Variants in NRXN3 observed in about 807,000 individuals in gnomAD.
NRXN3 encodes neurexin 3.
In NRXN3, 32 loss-of-function variants were observed where a neutral mutation model predicts 137.6. The observed-to-expected ratio is 0.23, with a 90% CI of 0.18 to 0.31. NRXN3 has a LOEUF of 0.31. Among genes scored for constraint, NRXN3 ranks in the 10% least tolerant of loss-of-function variants. The probability of loss-of-function intolerance (pLI) is 1.00; values close to 1 mark genes in which losing one functional copy is unlikely to be tolerated. For synonymous variants in NRXN3, 798 were observed against 784.5 expected, an observed-to-expected ratio of 1.02 and a Z score of -0.29; for missense variants, 1,574 against 2,062.5, an observed-to-expected ratio of 0.76 and a Z score of 4.59.
chr14:79,519,643 T>C (rs2097038884), intron 16 of NRXN3, among the ~76,000 whole-genome samples: 1 of 152,058 alleles, frequency 6.6e-6, no homozygotes, highest in African/African-American at 2.4e-5. Context: ...ATGGGCTGTA[T>C]TACATTCGAC....
intron 2 of NRXN3, among the ~76,000 whole-genome samples, chr14:78,249,366 G>T (rs1043950673): frequency 2.0e-5 from 3 of 152,198 alleles, no homozygotes; most frequent in African/African-American, 7.2e-5. Context: ...GACCGATGCC[G>T]GGGGCTAATT....
intron 15 of NRXN3, among the ~76,000 whole-genome samples, chr14:79,020,003 A>G (rs1247441019): frequency 1.3e-5 from 2 of 152,158 alleles, no homozygotes; most frequent in African/African-American, 4.8e-5. Context: ...ATGGTCTTGA[A>G]GAAGGCAGGA....
intron 6 of NRXN3, among the ~76,000 whole-genome samples, chr14:78,658,275 A>T (rs2097801278): frequency 6.6e-6 from 1 of 152,308 alleles, no homozygotes; most frequent in Admixed American, 6.5e-5. Flanking sequence ...TGCTAGTTGC[A>T]TGGCTTTTAG....
chr14:79,232,567 A>T (rs947947628), intron 15 of NRXN3, among the ~76,000 whole-genome samples: 3 of 152,120 alleles, frequency 2.0e-5, no homozygotes, highest in Admixed American at 6.6e-5. Flanking sequence ...TCTTCCTACA[A>T]TTCGGTTACA....
intron 16 of NRXN3, among the ~76,000 whole-genome samples, chr14:79,552,035 G>A (rs1468873324): frequency 1.3e-5 from 2 of 152,142 alleles, no homozygotes; most frequent in Non-Finnish European, 2.9e-5. Flanking sequence ...CCTTCCCGTG[G>A]TTCATTAGAA....
At chr14:78,969,718 T>G (rs575695075) in intron 14 of NRXN3, among the ~76,000 whole-genome samples, 1 of 152,158 alleles carries the variant, frequency 6.6e-6, no homozygotes, top group Admixed American at 6.5e-5. Flanking sequence ...TTTGCACTAG[T>G]AATAGGAATG....
chr14:79,833,652 C>G (rs1252678507), intron 20 of NRXN3, among the ~76,000 whole-genome samples: 1 of 152,046 alleles, frequency 6.6e-6, no homozygotes, highest in Non-Finnish European at 1.5e-5. Context: ...GCAGGCAGCT[C>G]TTAAATGCTT....
At chr14:79,604,889 G>A in intron 16 of NRXN3, among the ~76,000 whole-genome samples, 1 of 151,882 alleles carries the variant, frequency 6.6e-6, no homozygotes, top group East Asian at 2.0e-4. Flanking sequence ...AAAATTAGCT[G>A]GGCATGGTGG....
intron 14 of NRXN3, among the ~76,000 whole-genome samples, chr14:78,983,183 T>C (rs760139743): frequency 1.1e-4 from 17 of 152,204 alleles, no homozygotes; most frequent in Non-Finnish European, 1.8e-4. Context: ...GGAACACTTG[T>C]GCATTTTTGG....
intron 15 of NRXN3, among the ~76,000 whole-genome samples, chr14:79,016,046 C>G (rs1177007043): frequency 6.6e-6 from 1 of 152,102 alleles, no homozygotes; most frequent in Non-Finnish European, 1.5e-5. Context: ...AAGTGTCTTT[C>G]CCTTCTCACC....
At chr14:78,350,567 T>C (rs953309381) in intron 4 of NRXN3, among the ~76,000 whole-genome samples, 5 of 152,112 alleles carry the variant, frequency 3.3e-5, no homozygotes, top group African/African-American at 1.2e-4. Flanking sequence ...TTGTCTACCA[T>C]GCAAAGAAGC....
intron 4 of NRXN3, among the ~76,000 whole-genome samples, chr14:78,531,960 T>A (rs1029750791): frequency 2.6e-5 from 4 of 152,268 alleles, no homozygotes; most frequent in African/African-American, 9.6e-5. Flanking sequence ...ACCAGTTTTT[T>A]ATTTTTCTTA....
rs536465953 is a variant in NRXN3 at position 79,429,854 on chromosome 14, T to G, written c.3263-37367T>G. ...GGACTTCAATGCCATATGAGAAAAATTGTCTTGTATACAATATCTTTGGAG... is the reference window on the plus strand; with the variant it reads ...GGACTTCAATGCCATATGAGAAAAAGTGTCTTGTATACAATATCTTTGGAG... On this transcript the variant is annotated intron_variant, in intron 15 of 20. Coordinates refer to ENST00000335750, the MANE Select transcript of NRXN3 (RefSeq NM_001330195.2). Among the ~76,000 whole-genome samples the G allele has an allele frequency of 4.7e-4, 71 of 152,228 alleles. No homozygotes were observed. The South Asian group carries it at 0.014, about 30-fold the overall frequency.
At chr14:79,165,399 G>T (rs1233340703) in intron 15 of NRXN3, among the ~76,000 whole-genome samples, 1 of 151,894 alleles carries the variant, frequency 6.6e-6, no homozygotes, top group Non-Finnish European at 1.5e-5. Context: ...CAAAGTTGTG[G>T]CACAATGCAT....
At chr14:78,438,386 A>G (rs2094139311) in intron 4 of NRXN3, among the ~76,000 whole-genome samples, 1 of 152,188 alleles carries the variant, frequency 6.6e-6, no homozygotes, top group South Asian at 2.1e-4. Context: ...TGACCTGTGC[A>G]GTGGGTGAGA....
At chr14:79,642,599 G>C (rs984285047) in intron 16 of NRXN3, among the ~76,000 whole-genome samples, 1 of 134,076 alleles carries the variant, frequency 7.5e-6, no homozygotes, top group Non-Finnish European at 1.7e-5. Context: ...AAAGGACATG[G>C]TTCTGTGGCC....
At chr14:78,963,390 A>G (rs1038388820) in intron 11 of NRXN3, among the ~76,000 whole-genome samples, 1 of 152,042 alleles carries the variant, frequency 6.6e-6, no homozygotes, top group African/African-American at 2.4e-5. Context: ...AATTAGCATG[A>G]CTAGCAGCAT....
chr14:79,115,064 G>T (rs1328006402), intron 15 of NRXN3, among the ~76,000 whole-genome samples: 1 of 152,002 alleles, frequency 6.6e-6, no homozygotes, highest in Non-Finnish European at 1.5e-5. Flanking sequence ...GGTGGCTCAC[G>T]CCTGTAATCC....
chr14:78,197,778 C>T (rs1217026869), intron 1 of NRXN3, among the ~76,000 whole-genome samples: 3 of 152,186 alleles, frequency 2.0e-5, no homozygotes, highest in Admixed American at 2.0e-4. Context: ...CTTCCAGCTT[C>T]CTTCTCCTCT....
Sources: allele counts gnomAD v4.1 joint callset (sites outside exome capture counted in the v4.1 genomes callset), GRCh38; gene constraint gnomAD v4.1.1; transcripts MANE v1.5; gene names NCBI Gene and HGNC (gene_info 2026-07-23, HGNC 2026-07-21).